NXPE2: variants seen among roughly 807,000 people sequenced by gnomAD.
NXPE2 encodes the protein NXPE family member 2.
NXPE2 carries 34 observed loss-of-function variants against 34.4 expected under a neutral mutation model. The ratio of observed to expected loss-of-function variants is 0.99; its 90% confidence interval spans 0.75 to 1.31. The LOEUF (loss-of-function observed/expected upper bound fraction) is 1.31. NXPE2 is among the 40% of genes most tolerant of loss of function. The pLI is 0.00. For synonymous variants in NXPE2, 235 were observed against 231.3 expected (o/e 1.02, Z -0.15); for missense variants, 649 against 672.5 (o/e 0.97, Z 0.39).
chr11:114,550,574 C>A, the NXPE2 span, among the ~76,000 whole-genome samples: 1 of 151,828 alleles, frequency 6.6e-6, no homozygotes, highest in South Asian at 2.1e-4. Flanking sequence ...GCGTAAATTC[C>A]AAGTGGATCA....
chr11:114,683,485 A>G (rs527470839), intron 2 of NXPE2, among the ~76,000 whole-genome samples: 1 of 149,384 alleles, frequency 6.7e-6, no homozygotes, highest in Non-Finnish European at 1.5e-5. Context: ...CAGTGGCACG[A>G]CCTCGGCTCA....
chr11:114,572,616 C>T, the NXPE2 span, among the ~76,000 whole-genome samples: 2 of 152,170 alleles, frequency 1.3e-5, no homozygotes, highest in East Asian at 3.9e-4. Flanking sequence ...GAAAAAAGAA[C>T]CTCAGAGCTA....
chr11:114,501,993 C>T, the NXPE2 span, among the ~76,000 whole-genome samples: 1 of 152,154 alleles, frequency 6.6e-6, no homozygotes, highest in Non-Finnish European at 1.5e-5. Flanking sequence ...TGTTTCCTAA[C>T]CATTGCACTA....
At chr11:114,638,030 G>A in the NXPE2 span, among the ~76,000 whole-genome samples, 1 of 151,560 alleles carries the variant, frequency 6.6e-6, no homozygotes, top group Non-Finnish European at 1.5e-5. Context: ...GATTGGGGAA[G>A]TTCTCCTGGA....
At chr11:114,730,670 A>G in the NXPE2 span, among the ~76,000 whole-genome samples, 10 of 152,098 alleles carry the variant, frequency 6.6e-5, no homozygotes, top group Non-Finnish European at 1.2e-4. Context: ...TATAAATAGA[A>G]TTGCATTCTT....
At chr11:114,492,133 C>T in the NXPE2 span, among the ~76,000 whole-genome samples, 4 of 151,976 alleles carry the variant, frequency 2.6e-5, no homozygotes, top group African/African-American at 9.7e-5. Flanking sequence ...ACATTGTGCA[C>T]ATGTACCCTA....
At chr11:114,773,749 C>G in the NXPE2 span, among the ~76,000 whole-genome samples, 1 of 152,320 alleles carries the variant, frequency 6.6e-6, no homozygotes, top group African/African-American at 2.4e-5. Flanking sequence ...ATTATCCTAT[C>G]TGTTGAGGGC....
chr11:114,799,236 TAAG>T, the NXPE2 span, among the ~76,000 whole-genome samples: 1,556 of 88,308 alleles, frequency 0.018, 24 homozygotes, highest in African/African-American at 0.061. Flanking sequence ...TGATAATTAA[TAAG>T]AAGAAAAGGA....
chr11:114,806,796 A>G, the NXPE2 span, among the ~76,000 whole-genome samples: 4 of 147,938 alleles, frequency 2.7e-5, no homozygotes, highest in South Asian at 2.2e-4. Flanking sequence ...AACTTCCCCA[A>G]TCTAGCAAGG....
the NXPE2 span, among the ~76,000 whole-genome samples, chr11:114,615,780 C>T: frequency 6.6e-6 from 1 of 151,612 alleles, no homozygotes; most frequent in African/African-American, 2.4e-5. Flanking sequence ...CATGGGTAAC[C>T]ACTGTTACCC....
the NXPE2 span, among the ~76,000 whole-genome samples, chr11:114,483,250 G>T: frequency 2.6e-5 from 4 of 152,130 alleles, no homozygotes; most frequent in Non-Finnish European, 5.9e-5. Flanking sequence ...TCTGCCACTC[G>T]CTGGTTGGGC....
the NXPE2 span, among the ~76,000 whole-genome samples, chr11:114,612,891 C>T: frequency 4.0e-5 from 6 of 151,658 alleles, no homozygotes; most frequent in South Asian, 4.2e-4. Context: ...TGTTGCCTCA[C>T]GGGTAAGCAC....
the NXPE2 span, among the ~76,000 whole-genome samples, chr11:114,651,215 T>C: frequency 6.6e-6 from 1 of 152,002 alleles, no homozygotes; most frequent in Non-Finnish European, 1.5e-5. Context: ...TTCTTAAAGA[T>C]GGTGTGTCTG....
chr11:114,697,222 G>A (rs1338547449), intron 2 of NXPE2, among the ~76,000 whole-genome samples: 1 of 152,116 alleles, frequency 6.6e-6, no homozygotes, highest in Admixed American at 6.5e-5. Flanking sequence ...GGATTAAGGG[G>A]GATCCTAAAT....
chr11:114,692,759 A>G (rs1257337070), intron 2 of NXPE2, among the ~76,000 whole-genome samples: 1 of 152,066 alleles, frequency 6.6e-6, no homozygotes, highest in Non-Finnish European at 1.5e-5. Context: ...ATTCTCTACT[A>G]GCTAATTTAT....
At position 114,705,903 on chromosome 11, in the gene NXPE2, A is replaced by T. The variant is rs1951463099; in HGVS notation, c.1051A>T (p.Asn351Tyr). Residue 351 changes from asparagine (N) to tyrosine (Y), a missense_variant, in exon 5 of 6, where the codon AAT becomes TAT. Transcript: ENST00000389586. ...CKQIKFNETKNINDCLERKLI... is the reference protein window; with the variant it reads ...CKQIKFNETKYINDCLERKLI... ...ACAGATCAAGTTCAATGAAACAAAA[A>T]ATATAAATGACTGCTTGGAAAGAAA... 13 of 1,543,930 alleles carry T rather than the reference A, an allele frequency of 8.4e-6. No individual in the cohort carries two copies. The highest frequency in any genetic ancestry group is 1.1e-5 in the Non-Finnish European group (13 of 1,143,620).
the NXPE2 span, among the ~76,000 whole-genome samples, chr11:114,810,378 C>A: frequency 0.94 from 83,358 of 88,304 alleles, 39,933 homozygotes; most frequent in Middle Eastern, 1. Flanking sequence ...GCACAGCAAA[C>A]GAAACTACCA....
At chr11:114,735,740 G>A in the NXPE2 span, among the ~76,000 whole-genome samples, 4 of 152,224 alleles carry the variant, frequency 2.6e-5, no homozygotes, top group South Asian at 4.1e-4. Context: ...AGTAGCCATA[G>A]CACCCTATCC....
intron 2 of NXPE2, among the ~76,000 whole-genome samples, chr11:114,693,381 T>C (rs1026707868): frequency 3.3e-5 from 5 of 152,196 alleles, no homozygotes; most frequent in African/African-American, 1.2e-4. Flanking sequence ...TGGGCTCAAC[T>C]CTGAGTTTAG....
Sources: allele counts gnomAD v4.1 joint callset (sites outside exome capture counted in the v4.1 genomes callset), GRCh38; gene constraint gnomAD v4.1.1; transcripts MANE v1.5; gene names NCBI Gene and HGNC (gene_info 2026-07-23, HGNC 2026-07-21).